Variants in CENPW observed in about 807,000 individuals in gnomAD.
The protein encoded by CENPW is centromere protein W.
In CENPW, 3 loss-of-function variants were observed where a neutral mutation model predicts 11.1. That is an observed-to-expected ratio of 0.27 (90% CI 0.12 to 0.70). CENPW has a LOEUF of 0.70. Among genes scored for constraint, CENPW ranks in the 30% least tolerant of loss-of-function variants. The pLI, the probability that CENPW is intolerant of heterozygous loss-of-function variation, is 0.77. For synonymous variants in CENPW, 38 were observed against 42.0 expected (o/e 0.91, Z 0.37); for missense variants, 100 against 105.6 (o/e 0.95, Z 0.23).
chr6:126,423,216 C>G, the CENPW span, among the ~76,000 whole-genome samples: 1 of 151,738 alleles, frequency 6.6e-6, no homozygotes, highest in Non-Finnish European at 1.5e-5. Context: ...TGTTTCTAAG[C>G]TGGAAATAAG....
At chr6:126,482,891 C>T in the CENPW span, among the ~76,000 whole-genome samples, 5 of 151,968 alleles carry the variant, frequency 3.3e-5, no homozygotes, top group Non-Finnish European at 4.4e-5. Flanking sequence ...AAATAACAGG[C>T]TGGGATTTGG....
At chr6:126,402,933 C>T in the CENPW span, among the ~76,000 whole-genome samples, 1 of 152,014 alleles carries the variant, frequency 6.6e-6, no homozygotes, top group Non-Finnish European at 1.5e-5. Flanking sequence ...GCAAGTCTAT[C>T]AATGCCATTT....
the CENPW span, among the ~76,000 whole-genome samples, chr6:126,422,646 G>A: frequency 6.6e-6 from 1 of 151,982 alleles, no homozygotes; most frequent in East Asian, 1.9e-4. Flanking sequence ...AATCTTCATC[G>A]TTTTTTACCA....
chr6:126,433,516 G>T, the CENPW span, among the ~76,000 whole-genome samples: 1 of 152,106 alleles, frequency 6.6e-6, no homozygotes, highest in East Asian at 1.9e-4. Context: ...AGAAAGCAGT[G>T]GAGTTTTTCT....
chr6:126,432,614 C>A, the CENPW span, among the ~76,000 whole-genome samples: 4 of 152,108 alleles, frequency 2.6e-5, no homozygotes, highest in South Asian at 4.1e-4. Context: ...ACACTTAGTA[C>A]CACTCCTGCT....
At chr6:126,397,957 A>C in the CENPW span, among the ~76,000 whole-genome samples, 5 of 151,920 alleles carry the variant, frequency 3.3e-5, no homozygotes, top group African/African-American at 1.2e-4. Flanking sequence ...CTGATTTCAT[A>C]TATTACTTTT....
chr6:126,347,034 C>T lies in CENPW; in HGVS notation c.240+716C>T, dbSNP rs563681056. Among the ~76,000 whole-genome samples, 7 of 152,212 alleles carry T rather than the reference C, an allele frequency of 4.6e-5. No homozygotes were observed. The East Asian group carries it at 5.8e-4, about 13-fold the overall frequency. ...TATAATGTTAAGAATATGTTGCCTA[C>T]GGTGCAGTTTTCCAGATATGTTCCT... On this transcript the variant is annotated intron_variant, in intron 2 of 2. Transcript: ENST00000368328.
Position 126,346,219 on chromosome 6 carries a change from T to C in CENPW, c.141T>C (p.Cys47=), listed in dbSNP as rs1334434585. The part of the protein sequence containing the change: ...KSGDLLVHLN[C]LLFVHRLAEE... Reference sequence around the variant, plus strand: ...CTGTTTTAAAGGTCCATCTGAACTGTTTACTGTTTGTTCATCGATTAGCAG... The same window carrying C: ...CTGTTTTAAAGGTCCATCTGAACTGCTTACTGTTTGTTCATCGATTAGCAG... Residue 47 remains cysteine (C), a synonymous_variant, in exon 2 of 3, where the codon TGT becomes TGC. Transcript: ENST00000368328. The C allele has an allele frequency of 1.2e-6, 2 of 1,600,054 alleles. No individual in the cohort carries two copies. Among genetic ancestry groups the C allele is most frequent in the South Asian group, 1.1e-5 (1 of 89,560 alleles).
the CENPW span, among the ~76,000 whole-genome samples, chr6:126,464,017 AAC>A: frequency 6.6e-6 from 1 of 152,158 alleles, no homozygotes; most frequent in Non-Finnish European, 1.5e-5. Flanking sequence ...TAAGAAAAAA[AAC>A]TACATATTGA....
the CENPW span, among the ~76,000 whole-genome samples, chr6:126,434,983 C>T: frequency 6.6e-6 from 1 of 151,878 alleles, no homozygotes; most frequent in Non-Finnish European, 1.5e-5. Context: ...CAATGCCTAA[C>T]CACATAATGA....
At chr6:126,418,527 G>A in the CENPW span, among the ~76,000 whole-genome samples, 2 of 152,080 alleles carry the variant, frequency 1.3e-5, no homozygotes, top group Non-Finnish European at 2.9e-5. Flanking sequence ...GAGATTTTTG[G>A]GGAAGTGAAA....
the CENPW span, among the ~76,000 whole-genome samples, chr6:126,369,500 T>C: frequency 4.6e-5 from 7 of 152,212 alleles, no homozygotes; most frequent in Non-Finnish European, 1.0e-4. Context: ...AATCACATTG[T>C]GGTTTTGATT....
At chr6:126,461,737 A>G in the CENPW span, among the ~76,000 whole-genome samples, 1 of 151,974 alleles carries the variant, frequency 6.6e-6, no homozygotes, top group Non-Finnish European at 1.5e-5. Context: ...ACAGAGAATG[A>G]TGATACAGCT....
chr6:126,388,921 T>C, the CENPW span, among the ~76,000 whole-genome samples: 2 of 151,888 alleles, frequency 1.3e-5, no homozygotes, highest in Non-Finnish European at 2.9e-5. Context: ...GGGGCTGAAA[T>C]ATCTAATGAA....
the CENPW span, among the ~76,000 whole-genome samples, chr6:126,378,893 G>C: frequency 1.3e-5 from 2 of 152,114 alleles, no homozygotes; most frequent in East Asian, 3.9e-4. Context: ...ATTAGCCACT[G>C]GCATTGTAAA....
downstream of CENPW, among the ~76,000 whole-genome samples, chr6:126,350,491 C>A (rs1780479396): frequency 6.6e-6 from 1 of 152,108 alleles, no homozygotes; most frequent in Non-Finnish European, 1.5e-5. Context: ...ATTCTCATGA[C>A]CTAATTACCT....
the CENPW span, among the ~76,000 whole-genome samples, chr6:126,402,901 G>A: frequency 6.6e-6 from 1 of 151,912 alleles, no homozygotes; most frequent in East Asian, 1.9e-4. Flanking sequence ...TAAATTGAAG[G>A]TTTGTGGCAA....
the CENPW span, among the ~76,000 whole-genome samples, chr6:126,417,719 C>T: frequency 6.6e-6 from 1 of 152,176 alleles, no homozygotes; most frequent in Non-Finnish European, 1.5e-5. Context: ...GTCCATTAAA[C>T]CTCTTTCTTT....
At chr6:126,442,847 G>C in the CENPW span, among the ~76,000 whole-genome samples, 2 of 151,210 alleles carry the variant, frequency 1.3e-5, no homozygotes, top group African/African-American at 4.8e-5. Flanking sequence ...CCCTTAAAAT[G>C]ACAGGGTTGG....
Sources: gnomAD v4.1 joint callset for allele counts (sites outside exome capture counted in the v4.1 genomes callset) on GRCh38, gnomAD v4.1.1 for gene constraint, MANE v1.5 for transcripts, NCBI Gene and HGNC (gene_info 2026-07-23, HGNC 2026-07-21) for gene names.